Variants in SEPTIN14 observed in about 807,000 individuals in gnomAD.
SEPTIN14 encodes septin-14.
SEPTIN14 carries 40 observed loss-of-function variants against 53.6 expected under a neutral mutation model. The observed-to-expected ratio is 0.75, with a 90% CI of 0.58 to 0.97. SEPTIN14 has a LOEUF of 0.97. SEPTIN14 is among the 50% of genes least tolerant of loss of function. The pLI is 0.00. For missense variants in SEPTIN14, 471 were observed against 508.2 expected (o/e 0.93, Z 0.70); for synonymous variants, 138 against 166.8 (o/e 0.83, Z 1.33).
intron 6 of SEPTIN14, among the ~76,000 whole-genome samples, chr7:55,832,141 C>T (rs887231992): frequency 6.6e-6 from 1 of 151,698 alleles, no homozygotes; most frequent in African/African-American, 2.4e-5. Context: ...GCAGAGGTTG[C>T]AGTGAGATGA....
At chr7:55,844,484 T>C in intron 4 of SEPTIN14, 39 bp downstream of exon 4, 1 of 1,226,176 alleles carries the variant, frequency 8.2e-7, no homozygotes, top group East Asian at 2.5e-5. Context: ...TTCCTTGAAA[T>C]AAGAAAACCT....
At chr7:55,861,788 A>C (rs2116092133) in intron 2 of SEPTIN14, among the ~76,000 whole-genome samples, 155 bp downstream of exon 2, 1 of 152,322 alleles carries the variant, frequency 6.6e-6, no homozygotes, top group South Asian at 2.1e-4. Flanking sequence ...TTGATACTTA[A>C]AACTCCAATT....
chr7:55,843,213 T>C, intron 4 of SEPTIN14, 85 bp from the exon 5 acceptor site: 1 of 731,354 alleles, frequency 1.4e-6, no homozygotes, highest in East Asian at 2.8e-5. Context: ...AGTTAACATG[T>C]ATGTAAGCAG....
At chr7:55,846,064 A>AGT (rs1789398389) in intron 3 of SEPTIN14, among the ~76,000 whole-genome samples, 1 of 7,384 alleles carries the variant, frequency 1.4e-4, no homozygotes, top group African/African-American at 2.9e-4. Context: ...AAAAAAAAAA[A>AGT]GTATATATAT....
intron 9 of SEPTIN14, among the ~76,000 whole-genome samples, chr7:55,801,134 C>T (rs997493733): frequency 2.0e-4 from 31 of 151,706 alleles, no homozygotes; most frequent in African/African-American, 7.5e-4. Flanking sequence ...AATTTCACAC[C>T]TCAAAAGAAA....
intron 7 of SEPTIN14, among the ~76,000 whole-genome samples, chr7:55,810,303 T>C (rs1374245721): frequency 1.3e-5 from 2 of 152,086 alleles, no homozygotes; most frequent in Admixed American, 6.6e-5. Flanking sequence ...TTTCCTTGTG[T>C]TATTTGTTTT....
chr7:55,846,064 A>AAAATATATATATATAT (rs1562718590), intron 3 of SEPTIN14, among the ~76,000 whole-genome samples: 1 of 7,384 alleles, frequency 1.4e-4, no homozygotes, highest in Non-Finnish European at 4.2e-4. Context: ...AAAAAAAAAA[A>AAAATATATATATATAT]GTATATATAT....
At chr7:55,807,831 A>G (rs1229510837) in intron 7 of SEPTIN14, among the ~76,000 whole-genome samples, 1 of 152,194 alleles carries the variant, frequency 6.6e-6, no homozygotes, top group Non-Finnish European at 1.5e-5. Context: ...ATGCAATTAG[A>G]AACTAAAAGA....
At chr7:55,796,903 T>C (rs1788441252) in intron 9 of SEPTIN14, among the ~76,000 whole-genome samples, 1 of 151,844 alleles carries the variant, frequency 6.6e-6, no homozygotes, top group Non-Finnish European at 1.5e-5. Flanking sequence ...GGCAGGCAGA[T>C]CACAAGGTCA....
At chr7:55,800,732 A>T (rs1788511454) in intron 9 of SEPTIN14, among the ~76,000 whole-genome samples, 1 of 152,294 alleles carries the variant, frequency 6.6e-6, no homozygotes, top group African/African-American at 2.4e-5. Context: ...TTGGTACAAA[A>T]ATATAGTTAG....
rs570271100 is a variant in SEPTIN14 at position 55,805,493 on chromosome 7, G to A, written c.987-103C>T. ...GAGAATCAAAATCGTGCCACTGCAC[G>A]TCAGCCTGGGAGACAGAGTAAGACT... is the stretch of plus-strand genomic sequence containing the variant. On this transcript the variant is annotated intron_variant, in intron 8 of 9. Transcript: ENST00000388975. 3.8e-4 allele frequency: 283 copies of A among 744,408 alleles called. 5 individuals carry two copies. The South Asian group carries it at 4.7e-3, about 12-fold the overall frequency. 46.1% of individuals were successfully genotyped at this position (744,408 alleles called of 1,614,324 possible). A position where few individuals can be genotyped will look rare whatever the true frequency, so the allele number is the denominator to read the frequency against.
chr7:55,807,967 AAT>A lies in SEPTIN14; in HGVS notation c.818-711_818-710del, dbSNP rs1278249682. ...GTTCATTAAAAAAATAACAATTGTA[AAT>A]ATATATGCACCCAATATCACAACTT... On this transcript the variant is annotated intron_variant, in intron 7 of 9. Transcript: ENST00000388975. Among the ~76,000 whole-genome samples the A allele has an allele frequency of 3.3e-5, 5 of 152,192 alleles. No homozygotes were observed. In the East Asian group the frequency reaches 9.6e-4, roughly 29 times the overall value.
intron 5 of SEPTIN14, among the ~76,000 whole-genome samples, chr7:55,835,212 T>C (rs1245919464): frequency 6.6e-6 from 1 of 151,960 alleles, no homozygotes; most frequent in Non-Finnish European, 1.5e-5. Context: ...TTTATTTATT[T>C]ATTTTTCAGA....
chr7:55,821,719 G>T (rs1036251562), intron 6 of SEPTIN14, among the ~76,000 whole-genome samples: 1 of 152,114 alleles, frequency 6.6e-6, no homozygotes, highest in Non-Finnish European at 1.5e-5. Flanking sequence ...GGATAATAAT[G>T]CAATTTATAT....
chr7:55,844,284 A>G (rs1477336728), intron 4 of SEPTIN14, among the ~76,000 whole-genome samples: 3 of 152,214 alleles, frequency 2.0e-5, no homozygotes, highest in African/African-American at 7.2e-5. Flanking sequence ...AAATAAGGAA[A>G]TAAGCTAAAA....
rs1354212425 is a variant in SEPTIN14 at position 55,816,741 on chromosome 7, T to C, written c.817+2386A>G. Among the ~76,000 whole-genome samples the C allele has an allele frequency of 5.3e-5, 8 of 151,898 alleles. No homozygotes were observed. In the East Asian group the frequency reaches 1.4e-3, roughly 26 times the overall value. ...TGAACCCAGGAGGCAAAGGTTGCAG[T>C]GAGCCAAGATCACACCATTGCACTC... On this transcript the variant is annotated intron_variant, in intron 7 of 9. Coordinates refer to ENST00000388975, the MANE Select transcript of SEPTIN14 (RefSeq NM_207366.3).
At chr7:55,819,386 G>A (rs1241008259) in intron 6 of SEPTIN14, among the ~76,000 whole-genome samples, 163 bp from the exon 7 acceptor site, 3 of 152,096 alleles carry the variant, frequency 2.0e-5, no homozygotes, top group African/African-American at 4.8e-5. Context: ...TCAGGAGATC[G>A]AGACCATCCT....
intron 7 of SEPTIN14, among the ~76,000 whole-genome samples, chr7:55,814,897 A>G (rs1412739721): frequency 1.3e-5 from 2 of 152,230 alleles, no homozygotes; most frequent in Non-Finnish European, 2.9e-5. Flanking sequence ...GAATTATACT[A>G]CAAAGCTATA....
chr7:55,854,453 G>T (rs377079620), intron 2 of SEPTIN14, among the ~76,000 whole-genome samples: 1 of 150,898 alleles, frequency 6.6e-6, no homozygotes, highest in East Asian at 1.9e-4. Context: ...TTTTTGAGAC[G>T]GAGTCTCGCT....
Sources: gnomAD v4.1 joint callset for allele counts (sites outside exome capture counted in the v4.1 genomes callset) on GRCh38, gnomAD v4.1.1 for gene constraint, MANE v1.5 for transcripts, NCBI Gene and HGNC (gene_info 2026-07-23, HGNC 2026-07-21) for gene names.